The following ADAMTSL1 variants were observed in gnomAD, a reference collection of about 807,000 sequenced individuals.
ADAMTSL1 encodes the protein ADAMTS like 1.
Under a neutral mutation model 201.8 loss-of-function variants are expected in ADAMTSL1, and 126 were observed. The ratio of observed to expected loss-of-function variants is 0.62; its 90% CI spans 0.54 to 0.72. ADAMTSL1 has a LOEUF of 0.72. ADAMTSL1 is among the 30% of genes least tolerant of loss of function. The pLI is 0.00. For missense variants in ADAMTSL1, 2,679 were observed against 2,277.8 expected (o/e 1.18, Z -3.59); for synonymous variants, 1,121 against 903.4 (o/e 1.24, Z -4.32).
At chr9:17,937,534 C>G (rs1421783756) in intron 1 of ADAMTSL1, among the ~76,000 whole-genome samples, 1 of 151,930 alleles carries the variant, frequency 6.6e-6, no homozygotes, top group Non-Finnish European at 1.5e-5. Flanking sequence ...AAAATGGATT[C>G]CTACTTTTAA....
At chr9:18,208,726 G>A (rs1043141354) in intron 2 of ADAMTSL1, among the ~76,000 whole-genome samples, 1 of 152,016 alleles carries the variant, frequency 6.6e-6, no homozygotes, top group African/African-American at 2.4e-5. Flanking sequence ...CAGGCAGTGT[G>A]GACTTTTTTA....
chr9:18,655,246 A>G (rs1394146085), intron 7 of ADAMTSL1, among the ~76,000 whole-genome samples: 2 of 152,314 alleles, frequency 1.3e-5, no homozygotes, highest in East Asian at 3.9e-4. Context: ...AAGCTCAACC[A>G]TAACCCCCCA....
chr9:18,083,152 G>A (rs559416499), intron 1 of ADAMTSL1, among the ~76,000 whole-genome samples: 1 of 152,174 alleles, frequency 6.6e-6, no homozygotes, highest in Non-Finnish European at 1.5e-5. Context: ...ACATGAAACT[G>A]TGCCTTTAAG....
At chr9:18,720,977 C>G (rs941305688) in intron 14 of ADAMTSL1, among the ~76,000 whole-genome samples, 8 of 152,008 alleles carry the variant, frequency 5.3e-5, no homozygotes, top group Non-Finnish European at 8.8e-5. Flanking sequence ...TTCTTTGTTC[C>G]AACTTCCAAG....
chr9:18,259,216 A>G (rs1420236664), intron 2 of ADAMTSL1, among the ~76,000 whole-genome samples: 1 of 152,208 alleles, frequency 6.6e-6, no homozygotes, highest in Non-Finnish European at 1.5e-5. Context: ...CCCAAACTTT[A>G]GGAATGAAAG....
At chr9:18,670,401 T>C (rs1829738977) in intron 9 of ADAMTSL1, among the ~76,000 whole-genome samples, 1 of 152,158 alleles carries the variant, frequency 6.6e-6, no homozygotes, top group African/African-American at 2.4e-5. Flanking sequence ...GATGGAAGCA[T>C]AGTCACTAAT....
chr9:18,546,570 A>C (rs1187008190), intron 3 of ADAMTSL1, among the ~76,000 whole-genome samples: 1 of 152,164 alleles, frequency 6.6e-6, no homozygotes, highest in Non-Finnish European at 1.5e-5. Context: ...TTCCTTCCCC[A>C]AATAGAAATT....
chr9:18,649,385 A>G (rs897629269), intron 7 of ADAMTSL1, among the ~76,000 whole-genome samples: 5 of 151,882 alleles, frequency 3.3e-5, no homozygotes, highest in East Asian at 1.9e-4. Context: ...TCTTCTCTCA[A>G]CTCGTCAAAG....
intron 23 of ADAMTSL1, among the ~76,000 whole-genome samples, chr9:18,867,934 T>A (rs576149501): frequency 6.6e-6 from 1 of 152,314 alleles, no homozygotes; most frequent in African/African-American, 2.4e-5. Flanking sequence ...CTGAAATACA[T>A]ACATCTTAAC....
intron 20 of ADAMTSL1, among the ~76,000 whole-genome samples, chr9:18,815,170 C>G (rs948697712): frequency 6.6e-6 from 1 of 152,034 alleles, no homozygotes; most frequent in African/African-American, 2.4e-5. Flanking sequence ...AAAATTAAAA[C>G]TAGAACTACC....
At chr9:18,842,856 A>C (rs1018312775) in intron 23 of ADAMTSL1, among the ~76,000 whole-genome samples, 3 of 151,084 alleles carry the variant, frequency 2.0e-5, no homozygotes, top group African/African-American at 7.4e-5. Flanking sequence ...TAGGATTGCA[A>C]CCCCTGCCTT....
intron 1 of ADAMTSL1, among the ~76,000 whole-genome samples, chr9:18,133,924 A>G (rs1826051988): frequency 6.6e-6 from 1 of 152,226 alleles, no homozygotes; most frequent in South Asian, 2.1e-4. Context: ...TTCAACAAAT[A>G]CATAACTTCT....
intron 1 of ADAMTSL1, among the ~76,000 whole-genome samples, chr9:18,152,341 C>T (rs1433245383): frequency 2.0e-5 from 3 of 151,944 alleles, no homozygotes; most frequent in Non-Finnish European, 4.4e-5. Context: ...GCATTCCAGG[C>T]ACAGGGCACT....
chr9:18,149,362 A>G (rs953932043), intron 1 of ADAMTSL1, among the ~76,000 whole-genome samples: 5 of 152,062 alleles, frequency 3.3e-5, no homozygotes, highest in Non-Finnish European at 5.9e-5. Context: ...TTAAGAGCAA[A>G]GAAGAAAAAA....
At chr9:18,056,968 G>A (rs370770586) in intron 1 of ADAMTSL1, among the ~76,000 whole-genome samples, 50 of 152,098 alleles carry the variant, frequency 3.3e-4, no homozygotes, top group African/African-American at 1.2e-3. Flanking sequence ...AACCACTACT[G>A]CACTACTGTT....
intron 2 of ADAMTSL1, among the ~76,000 whole-genome samples, chr9:18,525,640 T>G (rs1818990211): frequency 6.6e-6 from 1 of 152,204 alleles, no homozygotes; most frequent in Non-Finnish European, 1.5e-5. Context: ...TCTGGTATGT[T>G]GTGTCTTTGT....
chr9:18,300,197 A>C (rs1023686813), intron 2 of ADAMTSL1, among the ~76,000 whole-genome samples: 1 of 152,224 alleles, frequency 6.6e-6, no homozygotes, highest in African/African-American at 2.4e-5. Context: ...TATAGCAAAG[A>C]CTTGGAACCA....
chr9:18,652,710 T>A (rs1374511466), intron 7 of ADAMTSL1, among the ~76,000 whole-genome samples: 2 of 152,218 alleles, frequency 1.3e-5, no homozygotes, highest in Non-Finnish European at 2.9e-5. Flanking sequence ...AAGTGAGGTG[T>A]GTTAAATGCA....
chr9:18,687,167 GT>G (rs1257398686), intron 13 of ADAMTSL1, among the ~76,000 whole-genome samples: 4 of 152,108 alleles, frequency 2.6e-5, no homozygotes, highest in African/African-American at 7.2e-5. Flanking sequence ...AAGGTATATG[GT>G]TTCTACATTT....
Sources: allele counts gnomAD v4.1 joint callset (sites outside exome capture counted in the v4.1 genomes callset), GRCh38; gene constraint gnomAD v4.1.1; transcripts MANE v1.5; gene names NCBI Gene and HGNC (gene_info 2026-07-23, HGNC 2026-07-21).